Variants in EIF3B observed in about 807,000 individuals in gnomAD.
EIF3B encodes eukaryotic translation initiation factor 3 subunit 9.
In EIF3B, 10 loss-of-function variants were observed where a neutral mutation model predicts 104.6. The observed-to-expected ratio is 0.10, with a 90% confidence interval of 0.06 to 0.16. EIF3B has a LOEUF of 0.16. Among genes scored for constraint, EIF3B ranks in the 10% least tolerant of loss-of-function variants. The probability of loss-of-function intolerance (pLI) is 1.00; values close to 1 mark genes in which losing one functional copy is unlikely to be tolerated. For missense variants in EIF3B, 1,014 were observed against 1,087.9 expected (o/e 0.93, Z 0.96); for synonymous variants, 542 against 417.2 (o/e 1.30, Z -3.65).
intron 1 of EIF3B, among the ~76,000 whole-genome samples, 193 bp downstream of exon 1, chr7:2,355,613 C>T (rs895712409): frequency 6.6e-6 from 1 of 151,788 alleles, no homozygotes; most frequent in Non-Finnish European, 1.5e-5. Flanking sequence ...AGCGCCTCCC[C>T]TTTTCTTTCC....
chr7:2,354,513 C>T (rs1779271468), upstream of EIF3B, among the ~76,000 whole-genome samples: 2 of 152,098 alleles, frequency 1.3e-5, no homozygotes, highest in African/African-American at 2.4e-5. Context: ...ATTTCTTGTC[C>T]CCGCCTTCAG....
At chr7:2,366,130 G>T (rs567515471) in intron 6 of EIF3B, among the ~76,000 whole-genome samples, 187 bp from the exon 7 acceptor site, 1 of 152,090 alleles carries the variant, frequency 6.6e-6, no homozygotes, top group Non-Finnish European at 1.5e-5. Context: ...CGCCTGCAGC[G>T]TATTGACACC....
rs55924469 is a variant in EIF3B at position 2,378,377 on chromosome 7, C to T, written c.2155-312C>T. On this transcript the variant is annotated intron_variant, in intron 15 of 18. Coordinates refer to ENST00000360876, the MANE Select transcript of EIF3B (RefSeq NM_001037283.2). Reference sequence around the variant, plus strand: ...TCATGGAGGAAGGAACAGGCGAGCGCTCCTGGGATGCTGTGTTGTGTGAAT... The same window carrying T: ...TCATGGAGGAAGGAACAGGCGAGCGTTCCTGGGATGCTGTGTTGTGTGAAT... The T allele has an allele frequency of 2.3e-3, 566 of 249,696 alleles. 3 individuals are homozygous for T. Among genetic ancestry groups the T allele is most frequent in the African/African-American group, 9.8e-3 (175 of 17,818 alleles). 15.5% of individuals were successfully genotyped at this position (249,696 alleles called of 1,614,324 possible).
intron 15 of EIF3B, chr7:2,378,434 GCGAGCGC>G (rs1780797443): frequency 6.1e-6 from 2 of 330,374 alleles, no homozygotes; most frequent in African/African-American, 8.7e-5. Flanking sequence ...AGGAGCAGGC[GCGAGCGC>G]TCCTGGGAAG....
At position 2,363,210 on chromosome 7, in the gene EIF3B, A is replaced by C. The variant is rs1002965927; in HGVS notation, c.870+83A>C. On this transcript the variant is annotated intron_variant, in intron 4 of 18. Transcript: ENST00000360876. ...GGTCACACCTGCAATCCCAGCACTT[A>C]GGGAGGCTGAGGTGGGAGGATCGCT... is the stretch of plus-strand genomic sequence containing the variant. The C allele has an allele frequency of 9.4e-5, 128 of 1,362,974 alleles. No individual in the cohort carries two copies. In the African/African-American group the frequency reaches 1.4e-3, roughly 14 times the overall value. 84.4% of individuals were successfully genotyped at this position (1,362,974 alleles called of 1,614,324 possible).
chr7:2,375,195 T>G (rs1457259389), intron 13 of EIF3B, 194 bp from the exon 14 acceptor site: 9 of 618,484 alleles, frequency 1.5e-5, no homozygotes, highest in Non-Finnish European at 2.3e-5. Flanking sequence ...CAGTCATATG[T>G]AATACTCACT....
intron 11 of EIF3B, 86 bp downstream of exon 11, chr7:2,371,935 T>C: frequency 9.2e-7 from 1 of 1,082,286 alleles, no homozygotes; most frequent in Non-Finnish European, 1.4e-6. Context: ...CGAGGGGTTG[T>C]CTGAGCAGCT....
At chr7:2,377,096 G>T (rs367729811) in intron 15 of EIF3B, 21 bp downstream of exon 15, 7 of 1,596,756 alleles carry the variant, frequency 4.4e-6, no homozygotes, top group Non-Finnish European at 6.0e-6. Flanking sequence ...CCCCACCCCC[G>T]GGTGCAGGGC....
intron 4 of EIF3B, among the ~76,000 whole-genome samples, chr7:2,363,362 G>C (rs554961664): frequency 2.0e-5 from 3 of 152,142 alleles, no homozygotes; most frequent in East Asian, 1.9e-4. Flanking sequence ...GGGAGGCTGA[G>C]GGGGGAGGAT....
intron 1 of EIF3B, among the ~76,000 whole-genome samples, chr7:2,356,929 A>G (rs909304692): frequency 1.3e-5 from 2 of 152,196 alleles, no homozygotes; most frequent in Non-Finnish European, 2.9e-5. Context: ...GGGAACATCT[A>G]GTCTACGCCC....
At chr7:2,377,484 A>G (rs55730618) in intron 15 of EIF3B, among the ~76,000 whole-genome samples, 2,255 of 133,502 alleles carry the variant, frequency 0.017, 51 homozygotes, top group African/African-American at 0.052. Context: ...AGGAGCAGGC[A>G]CGAGCGCTCC....
chr7:2,362,370 G>A (rs550222097), intron 2 of EIF3B, among the ~76,000 whole-genome samples: 3 of 152,148 alleles, frequency 2.0e-5, no homozygotes, highest in East Asian at 1.9e-4. Context: ...CGAAACCATC[G>A]CCACAGTCAA....
rs1294732879 is a variant in EIF3B, at chr7:2,364,356, C to T, written c.1000-16C>T. The T allele has an allele frequency of 1.0e-5, 16 of 1,571,820 alleles. 1 individual carries two copies. The highest frequency in any genetic ancestry group is 1.4e-5 in the Non-Finnish European group (16 of 1,165,138). ...CCATTTTGTTGTATTAACGTTGGCACTGCCTTTTTCTGCAGAGATGGACAG... is the reference window on the plus strand; with the variant it reads ...CCATTTTGTTGTATTAACGTTGGCATTGCCTTTTTCTGCAGAGATGGACAG... On this transcript the variant is annotated splice_polypyrimidine_tract_variant and intron_variant, in intron 5 of 18. Transcript: ENST00000360876.
At chr7:2,365,733 T>A (rs1227257010) in intron 6 of EIF3B, among the ~76,000 whole-genome samples, 1 of 150,554 alleles carries the variant, frequency 6.6e-6, no homozygotes, top group African/African-American at 2.4e-5. Context: ...TGGAATGTAG[T>A]GGCACGATAC....
intron 1 of EIF3B, among the ~76,000 whole-genome samples, chr7:2,357,961 T>C (rs558182958): frequency 6.6e-6 from 1 of 152,334 alleles, no homozygotes; most frequent in South Asian, 2.1e-4. Context: ...AGGATTTGAC[T>C]AGTTTCCATA....
intron 6 of EIF3B, among the ~76,000 whole-genome samples, chr7:2,364,893 C>T (rs1779920861): frequency 6.6e-6 from 1 of 152,188 alleles, no homozygotes; most frequent in East Asian, 1.9e-4. Context: ...GTTACTTGAC[C>T]TAATAATGTT....
chr7:2,375,165 CA>C, intron 13 of EIF3B: 1 of 534,760 alleles, frequency 1.9e-6, no homozygotes, highest in South Asian at 2.7e-5. Flanking sequence ...ATAACATTTC[CA>C]GTAAAAATAA....
intron 13 of EIF3B, 56 bp from the exon 14 acceptor site, chr7:2,375,333 G>A: frequency 1.2e-6 from 2 of 1,605,184 alleles, no homozygotes; most frequent in Non-Finnish European, 8.5e-7. Context: ...CTCAGGAGTG[G>A]GATGCCAGGA....
chr7:2,368,129 C>G (rs1211690348), intron 9 of EIF3B, among the ~76,000 whole-genome samples: 1 of 151,780 alleles, frequency 6.6e-6, no homozygotes, highest in African/African-American at 2.4e-5. Context: ...CTGGCGTGAG[C>G]CACCACACCC....
Sources: allele counts gnomAD v4.1 joint callset (sites outside exome capture counted in the v4.1 genomes callset), GRCh38; gene constraint gnomAD v4.1.1; transcripts MANE v1.5; gene names NCBI Gene and HGNC (gene_info 2026-07-23, HGNC 2026-07-21).